Variants in ZAN observed in about 807,000 individuals in gnomAD.
ZAN encodes the protein zonadhesin.
Under a neutral mutation model 286.2 loss-of-function variants are expected in ZAN, and 260 were observed. That is an observed-to-expected ratio of 0.91 (90% CI 0.82 to 1.01). ZAN has a LOEUF of 1.01. Among genes scored for constraint, ZAN ranks in the 50% least tolerant of loss-of-function variants. The pLI is 0.00. For missense variants in ZAN, 3,410 were observed against 3,639.2 expected (o/e 0.94, Z 1.62); for synonymous variants, 1,368 against 1,417.5 (o/e 0.97, Z 0.79).
Position 100,746,698 on chromosome 7 carries a change from C to G in ZAN, c.927C>G (p.Val309=). ...CAGCCCTCCACATTTATGCTTCAGT[C>G]TTGGGTTAGAGCGGAGAATTAATGG... ...PGAALHIYAS[V]LGSIRKHTLF... is the part of the protein sequence containing the mutation. Residue 309 remains valine, a synonymous_variant, in exon 8 of 48, where the codon GTC becomes GTG. Transcript: ENST00000613979. The G allele has an allele frequency of 6.2e-7, 1 of 1,613,842 alleles. No homozygotes were observed. Among genetic ancestry groups the G allele is most frequent in the Non-Finnish European group, 8.5e-7 (1 of 1,179,830 alleles).
At position 100,734,226 on chromosome 7, in the gene ZAN, G is replaced by C. The variant is rs750193474; in HGVS notation, c.53+5G>C. 6.9e-7 allele frequency: 1 copy of C among 1,444,096 alleles called. No homozygotes were observed. The allele number at this position is 1,444,096 out of a possible 1,614,324, so 89.5% of individuals were successfully genotyped here. On this transcript the variant is annotated splice_donor_5th_base_variant and intron_variant, in intron 2 of 47. Transcript: ENST00000613979. The stretch of plus-strand genomic sequence containing the variant: ...GGTGGGGGCTGCCCTTTTCAGGTAA[G>C]CTGGGCCCAGGGGGTAATGATAAAC...
At chr7:100,775,946 A>G in intron 33 of ZAN, 113 bp downstream of exon 33, 1 of 1,367,508 alleles carries the variant, frequency 7.3e-7, no homozygotes, top group Non-Finnish European at 1.0e-6. Context: ...GCCACTCCTC[A>G]GGATGGAGCA....
intron 45 of ZAN, 83 bp downstream of exon 45, chr7:100,795,419 C>T (rs1812297656): frequency 7.7e-7 from 1 of 1,294,042 alleles, no homozygotes; most frequent in Non-Finnish European, 1.0e-6. Context: ...GTATTATATT[C>T]ACATATAGAA....
chr7:100,797,402 T>C lies in ZAN; in HGVS notation c.8303T>C (p.Val2768Ala). Reference protein sequence around the residue: ...NLVGVLLGLLVPVVVVLLAVT... With the variant: ...NLVGVLLGLLAPVVVVLLAVT... ...GTGGGCGTCCTACTGGGACTGCTGG[T>C]GCCTGTGGTGGTCGTACTACTGGCC... The change falls in exon 46 of 48, where the codon GTG becomes GCG. Residue 2768 changes from valine (V) to alanine (A), a missense_variant. This residue lies in a region of ZAN where 1,289 missense variants were observed against 1,314.3 expected (regional missense o/e 0.98). Coordinates refer to ENST00000613979, the MANE Select transcript of ZAN (RefSeq NM_003386.3). 1 of 1,613,754 alleles carries C rather than the reference T, an allele frequency of 6.2e-7. No individual in the cohort carries two copies. Among genetic ancestry groups the C allele is most frequent in the Non-Finnish European group, 8.5e-7 (1 of 1,179,770 alleles).
At position 100,734,667 on chromosome 7, in the gene ZAN, G is replaced by A. The variant is rs1263621296; in HGVS notation, c.53+446G>A. Among the ~76,000 whole-genome samples the A allele has an allele frequency of 6.4e-5, 9 of 139,550 alleles. 3 individuals carry two copies. The highest frequency in any genetic ancestry group is 1.4e-4 in the Non-Finnish European group (9 of 62,454). 91.6% of individuals were successfully genotyped at this position (139,550 alleles called of 152,430 possible). ...GACCTTGAGAGGAAGGGGGAAACCC[G>A]GTGGGATGGAAATGGGTTGACCTTG... On this transcript the variant is annotated intron_variant, in intron 2 of 47. Coordinates refer to ENST00000613979, the MANE Select transcript of ZAN (RefSeq NM_003386.3).
intron 28 of ZAN, 52 bp from the exon 29 acceptor site, chr7:100,771,792 C>T: frequency 6.4e-7 from 1 of 1,566,408 alleles, no homozygotes; most frequent in Non-Finnish European, 8.7e-7. Context: ...CCACATGGCC[C>T]TGTTCCTTCC....
At chr7:100,773,958 T>C (rs1810581596) in intron 31 of ZAN, 93 bp downstream of exon 31, 1 of 1,489,410 alleles carries the variant, frequency 6.7e-7, no homozygotes, top group African/African-American at 1.4e-5. Flanking sequence ...AGCACTGGGT[T>C]TCAGGTTTTG....
chr7:100,766,091 A>G (rs1311373174), intron 23 of ZAN, among the ~76,000 whole-genome samples: 2 of 151,682 alleles, frequency 1.3e-5, no homozygotes, highest in Non-Finnish European at 2.9e-5. Context: ...GGTTCAAGCG[A>G]TTCTCCCGCC....
intron 19 of ZAN, 101 bp from the exon 20 acceptor site, chr7:100,762,114 C>T: frequency 6.7e-7 from 1 of 1,483,928 alleles, no homozygotes. Context: ...TCCTCACGCC[C>T]TCTGTTTTAG....
intron 45 of ZAN, among the ~76,000 whole-genome samples, chr7:100,796,500 T>C: frequency 7.1e-6 from 1 of 140,932 alleles, no homozygotes; most frequent in Non-Finnish European, 1.5e-5. Context: ...CACTGCAACC[T>C]CCACCTCCCG....
rs986268631 is a variant in ZAN, at chr7:100,775,814, C to A, written c.6173C>A (p.Pro2058His). 6.2e-7 allele frequency: 1 copy of A among 1,613,634 alleles called. No individual in the cohort carries two copies. The highest frequency in any genetic ancestry group is 1.3e-5 in the African/African-American group (1 of 74,910). ...AATCATCTCTTAGAGATTGAAATCC[C>A]CACAACCTACTATGGAAAGGTGAGG... Reference protein sequence around the residue: ...DGNHLLEIEIPTTYYGKVCGM... With the variant: ...DGNHLLEIEIHTTYYGKVCGM... Residue 2058 changes from proline (P) to histidine (H), a missense_variant, in exon 33 of 48, where the codon CCC becomes CAC. By Grantham distance (77) the Pro-to-His change is moderately conservative. Transcript: ENST00000613979.
chr7:100,792,332 C>T lies in ZAN; in HGVS notation c.7713-73C>T, dbSNP rs924183758. ...ATGTCTTTCTGTTTGGGGTTCCAGG[C>T]TCTCTTCTGCAGGGGTGGGTCTCCT... is the stretch of plus-strand genomic sequence containing the variant. On this transcript the variant is annotated intron_variant, in intron 41 of 47. Transcript: ENST00000613979. 2.6e-6 allele frequency: 4 copies of T among 1,526,166 alleles called. No individual in the cohort carries two copies. In the African/African-American group the frequency reaches 5.5e-5, roughly 21 times the overall value. The allele number at this position is 1,526,166 out of a possible 1,614,324, so 94.5% of individuals were successfully genotyped here.
At chr7:100,787,865 T>C in intron 37 of ZAN, 24 bp from the exon 38 acceptor site, 1 of 1,470,418 alleles carries the variant, frequency 6.8e-7, no homozygotes, top group South Asian at 1.4e-5. Flanking sequence ...CCCGGCCCCT[T>C]CTCACTGTCT....
rs1808597634 is a variant in ZAN at position 100,750,721 on chromosome 7, GC to G, written c.1347del (p.Cys449TrpfsTer80). 1 of 1,613,010 alleles carries G rather than the reference GC, an allele frequency of 6.2e-7. No individual in the cohort carries two copies. The highest frequency in any genetic ancestry group is 8.5e-7 in the Non-Finnish European group (1 of 1,179,626). On this transcript the variant is annotated frameshift_variant, in exon 12 of 48. Transcript: ENST00000613979. LOFTEE classifies it high-confidence loss of function. ...SRPFCAPGDI[C>X]VEFAYHMYGL... ...CCCTTCTGCGCCCCAGGTGACATCT[GC>G]GTGGAGTTCGCATACCACATGTATG...
chr7:100,775,292 G>A (rs572207523), intron 31 of ZAN, 36 bp from the exon 32 acceptor site: 5 of 1,603,764 alleles, frequency 3.1e-6, no homozygotes. Context: ...CCTGCCAGAG[G>A]AGCGTCATAG....
chr7:100,782,301 G>T lies in ZAN; in HGVS notation c.6623-2322G>T, dbSNP rs1209410720. 2.0e-5 allele frequency among the ~76,000 whole-genome samples: 3 copies of T among 151,738 alleles called. No individual in the cohort carries two copies. The Admixed American group carries it at 2.0e-4, about 10-fold the overall frequency. On this transcript the variant is annotated intron_variant, in intron 35 of 47. Coordinates refer to ENST00000613979, the MANE Select transcript of ZAN (RefSeq NM_003386.3). ...AATAGCTATAAATGCTAGCCCCACAGAAGCTACAAAAGAGTTTGCTGATTC... is the reference window on the plus strand; with the variant it reads ...AATAGCTATAAATGCTAGCCCCACATAAGCTACAAAAGAGTTTGCTGATTC...
At chr7:100,760,317 T>C (rs928543413) in intron 18 of ZAN, 74 bp from the exon 19 acceptor site, 2 of 1,570,430 alleles carry the variant, frequency 1.3e-6, no homozygotes, top group Admixed American at 1.7e-5. Context: ...CTCCCAGCTA[T>C]GGAAATGAAA....
chr7:100,745,149 G>T (rs1473909641), intron 7 of ZAN, among the ~76,000 whole-genome samples: 1 of 151,778 alleles, frequency 6.6e-6, no homozygotes, highest in African/African-American at 2.4e-5. Context: ...CTCCCAAAGT[G>T]CTGGGATTAC....
intron 3 of ZAN, among the ~76,000 whole-genome samples, chr7:100,736,198 A>G (rs1360511720): frequency 7.1e-6 from 1 of 141,826 alleles, no homozygotes; most frequent in Admixed American, 7.0e-5. Context: ...AAGGCTTTGC[A>G]ACAGCTTTCT....
Sources: allele counts gnomAD v4.1 joint callset (sites outside exome capture counted in the v4.1 genomes callset), GRCh38; gene constraint gnomAD v4.1.1; regional missense constraint gnomAD v4.1.1; transcripts MANE v1.5; gene names NCBI Gene and HGNC (gene_info 2026-07-23, HGNC 2026-07-21).